Variants in UNC13C observed in about 807,000 individuals in gnomAD.
UNC13C encodes the protein protein unc-13 homolog C.
A neutral mutation model predicts 245.4 loss-of-function variants in UNC13C; 174 were observed. The ratio of observed to expected loss-of-function variants is 0.71; its 90% CI spans 0.63 to 0.80. UNC13C has a LOEUF of 0.80. UNC13C is among the 30% of genes least tolerant of loss of function. The probability of loss-of-function intolerance (pLI) is 0.00; values close to 1 mark genes in which losing one functional copy is unlikely to be tolerated. For missense variants in UNC13C, 2,829 were observed against 2,602.9 expected (o/e 1.09, Z -1.89); for synonymous variants, 992 against 895.1 (o/e 1.11, Z -1.93).
chr15:54,115,197 TTATACA>T (rs1348191491), intron 2 of UNC13C, among the ~76,000 whole-genome samples: 5 of 152,182 alleles, frequency 3.3e-5, no homozygotes, highest in Non-Finnish European at 5.9e-5. Context: ...TAGCTCACTG[TTATACA>T]TATACTTACA....
the UNC13C span, among the ~76,000 whole-genome samples, chr15:53,932,049 C>T: frequency 6.6e-6 from 1 of 151,896 alleles, no homozygotes; most frequent in Admixed American, 6.6e-5. Flanking sequence ...AGTGGCTCAC[C>T]CCTGTAATCC....
intron 4 of UNC13C, among the ~76,000 whole-genome samples, chr15:54,225,863 G>A (rs1488712759): frequency 6.6e-6 from 1 of 152,176 alleles, no homozygotes; most frequent in Non-Finnish European, 1.5e-5. Flanking sequence ...AGTGGTAAGA[G>A]AGGGCATCCT....
chr15:54,595,263 A>G (rs900670863), intron 30 of UNC13C, among the ~76,000 whole-genome samples: 1 of 152,052 alleles, frequency 6.6e-6, no homozygotes, highest in African/African-American at 2.4e-5. Flanking sequence ...GCCTAAGGAC[A>G]TGAAGGCAAT....
At chr15:53,905,260 C>G in the UNC13C span, among the ~76,000 whole-genome samples, 1 of 152,082 alleles carries the variant, frequency 6.6e-6, no homozygotes, top group African/African-American at 2.4e-5. Flanking sequence ...CTCTCATGTT[C>G]ATTGCAGTGT....
intron 4 of UNC13C, among the ~76,000 whole-genome samples, chr15:54,161,063 G>C (rs2032953406): frequency 6.6e-6 from 1 of 152,094 alleles, no homozygotes; most frequent in Non-Finnish European, 1.5e-5. Context: ...ACAATGAGTG[G>C]ATTGTTGTAA....
At chr15:54,213,488 G>T (rs1239148074) in intron 4 of UNC13C, among the ~76,000 whole-genome samples, 1 of 151,994 alleles carries the variant, frequency 6.6e-6, no homozygotes, top group Non-Finnish European at 1.5e-5. Flanking sequence ...GGTGAAATGG[G>T]TTCTCAACTA....
intron 30 of UNC13C, among the ~76,000 whole-genome samples, chr15:54,610,356 T>C (rs1213833723): frequency 6.6e-6 from 1 of 152,052 alleles, no homozygotes; most frequent in Non-Finnish European, 1.5e-5. Flanking sequence ...TGTCTCCGCC[T>C]CCCTAGTATC....
chr15:54,564,420 T>G (rs936898935), intron 29 of UNC13C, among the ~76,000 whole-genome samples: 1 of 152,066 alleles, frequency 6.6e-6, no homozygotes, highest in African/African-American at 2.4e-5. Context: ...TTTCATTTCC[T>G]GATTAGTCCC....
chr15:54,193,205 C>A (rs943338315), intron 4 of UNC13C, among the ~76,000 whole-genome samples: 1 of 152,040 alleles, frequency 6.6e-6, no homozygotes, highest in Admixed American at 6.6e-5. Context: ...GGCTTTAAGA[C>A]AATTTTTTAA....
chr15:53,877,418 C>T, the UNC13C span, among the ~76,000 whole-genome samples: 2 of 152,096 alleles, frequency 1.3e-5, no homozygotes, highest in Non-Finnish European at 2.9e-5. Flanking sequence ...GGTTTCTGCT[C>T]TGAATTTCAA....
chr15:54,226,178 T>A (rs1015196176), intron 4 of UNC13C, among the ~76,000 whole-genome samples: 1 of 152,212 alleles, frequency 6.6e-6, no homozygotes, highest in Non-Finnish European at 1.5e-5. Context: ...ATGGGTAAGC[T>A]TTTTGTGTGC....
In UNC13C at chr15:54,143,639, A is replaced by G; in HGVS notation, c.3026A>G (p.Asn1009Ser). The G allele has an allele frequency of 1.9e-6, 3 of 1,613,406 alleles. No homozygotes were observed. In the South Asian group the frequency reaches 3.3e-5, roughly 18 times the overall value. ...VDEKARIVSGNDLDASKFSAL... is the reference protein window; with the variant it reads ...VDEKARIVSGSDLDASKFSAL... Reference sequence around the variant, plus strand: ...TTTAAGGCTCGAATAGTAAGTGGCAATGATTTGGATGCTTCCAAATTTTCT... The same window carrying G: ...TTTAAGGCTCGAATAGTAAGTGGCAGTGATTTGGATGCTTCCAAATTTTCT... The change falls in exon 4 of 33, where the codon AAT becomes AGT. Residue 1009 changes from asparagine (N) to serine (S), a missense_variant. Transcript: ENST00000260323.
chr15:54,427,400 C>A (rs1050967275), intron 19 of UNC13C, among the ~76,000 whole-genome samples: 3 of 151,816 alleles, frequency 2.0e-5, no homozygotes, highest in African/African-American at 7.2e-5. Flanking sequence ...CACCATGATT[C>A]TGAGGCTTTC....
the UNC13C span, among the ~76,000 whole-genome samples, chr15:53,965,968 G>T: frequency 6.6e-6 from 1 of 152,040 alleles, no homozygotes; most frequent in Non-Finnish European, 1.5e-5. Context: ...GTCTATCATT[G>T]TTGGACATTT....
intron 4 of UNC13C, among the ~76,000 whole-genome samples, chr15:54,167,052 A>G (rs552786263): frequency 5.9e-5 from 9 of 152,220 alleles, no homozygotes; most frequent in African/African-American, 1.4e-4. Flanking sequence ...ACAAAGTTTG[A>G]GGATATATAC....
intron 30 of UNC13C, among the ~76,000 whole-genome samples, chr15:54,615,073 G>C (rs1231014113): frequency 6.6e-6 from 1 of 151,962 alleles, no homozygotes; most frequent in Non-Finnish European, 1.5e-5. Context: ...CAATGTGTAT[G>C]TGACCTGGAT....
chr15:53,907,427 A>G, the UNC13C span, among the ~76,000 whole-genome samples: 1 of 152,216 alleles, frequency 6.6e-6, no homozygotes, highest in Non-Finnish European at 1.5e-5. Flanking sequence ...ATAGAAGATC[A>G]GCACTGAGCA....
intron 4 of UNC13C, among the ~76,000 whole-genome samples, chr15:54,184,979 A>G (rs2033926465): frequency 6.6e-6 from 1 of 152,138 alleles, no homozygotes; most frequent in Non-Finnish European, 1.5e-5. Context: ...GTGAGATGGT[A>G]TCTCACTGTG....
intron 17 of UNC13C, among the ~76,000 whole-genome samples, chr15:54,350,423 T>C (rs1261585448): frequency 6.6e-6 from 1 of 152,088 alleles, no homozygotes; most frequent in Non-Finnish European, 1.5e-5. Flanking sequence ...GAATGGTAAT[T>C]AGAAAGAAAT....
Sources: allele counts gnomAD v4.1 joint callset (sites outside exome capture counted in the v4.1 genomes callset), GRCh38; gene constraint gnomAD v4.1.1; transcripts MANE v1.5; gene names NCBI Gene and HGNC (gene_info 2026-07-23, HGNC 2026-07-21).